IFT81: variants seen among roughly 807,000 people sequenced by gnomAD.
IFT81 encodes intraflagellar transport protein 81 homolog.
Under a neutral mutation model 102.6 loss-of-function variants are expected in IFT81, and 72 were observed. That is an observed-to-expected ratio of 0.70 (90% CI 0.58 to 0.85). IFT81 has a LOEUF of 0.85. Ranked by LOEUF, IFT81 falls within the 40% of genes least tolerant of loss-of-function variation. The pLI is 0.00. For synonymous variants in IFT81, 237 were observed against 242.7 expected (o/e 0.98, Z 0.22); for missense variants, 723 against 787.3 (o/e 0.92, Z 0.98).
At chr12:110,216,512 C>T in intron 18 of IFT81, 1 of 448,160 alleles carries the variant, frequency 2.2e-6, no homozygotes, top group South Asian at 1.6e-5. Flanking sequence ...TCCTATTATT[C>T]ACCTTAATTT....
At chr12:110,211,413 G>GA (rs1258921421) in intron 18 of IFT81, among the ~76,000 whole-genome samples, 1 of 151,876 alleles carries the variant, frequency 6.6e-6, no homozygotes. Flanking sequence ...TAGAGCTCTT[G>GA]ATCTCCTGAC....
intron 9 of IFT81, among the ~76,000 whole-genome samples, chr12:110,146,056 C>A (rs552817187): frequency 6.6e-6 from 1 of 151,984 alleles, no homozygotes; most frequent in Non-Finnish European, 1.5e-5. Flanking sequence ...AGATGATGCA[C>A]CCGCCTCAGC....
At chr12:110,171,064 A>G (rs1896702669) in intron 11 of IFT81, among the ~76,000 whole-genome samples, 1 of 152,176 alleles carries the variant, frequency 6.6e-6, no homozygotes, top group African/African-American at 2.4e-5. Flanking sequence ...CAAACCTGTG[A>G]TATTTTTAGA....
chr12:110,203,156 C>T (rs1898384201), intron 14 of IFT81, among the ~76,000 whole-genome samples: 1 of 152,132 alleles, frequency 6.6e-6, no homozygotes, highest in African/African-American at 2.4e-5. Context: ...ATCCCAGCTG[C>T]TTTGGAGTCT....
chr12:110,204,025 G>A, intron 15 of IFT81, 75 bp downstream of exon 15: 4 of 912,614 alleles, frequency 4.4e-6, no homozygotes, highest in Non-Finnish European at 7.0e-6. Flanking sequence ...AGCTACTCTG[G>A]AGGCTGAAGC....
chr12:110,151,906 A>G lies in IFT81; in HGVS notation c.1041+4858A>G, dbSNP rs576299864. Among the ~76,000 whole-genome samples, 7 of 152,054 alleles carry G rather than the reference A, an allele frequency of 4.6e-5. No homozygotes were observed. In the East Asian group the frequency reaches 9.7e-4, roughly 21 times the overall value. On this transcript the variant is annotated intron_variant, in intron 10 of 18. Transcript: ENST00000242591. Reference sequence around the variant, plus strand: ...CCACATGTGAGTGAGATCATGCACTATTTGTCTTTCTGTGCCTGGCTTATT... The same window carrying G: ...CCACATGTGAGTGAGATCATGCACTGTTTGTCTTTCTGTGCCTGGCTTATT...
intron 18 of IFT81, among the ~76,000 whole-genome samples, chr12:110,215,458 T>TC: frequency 1.1e-5 from 1 of 94,956 alleles, no homozygotes; most frequent in Middle Eastern, 4.1e-3. Context: ...TTCTTCTTTT[T>TC]TTTTTTTTTT....
intron 10 of IFT81, among the ~76,000 whole-genome samples, chr12:110,158,295 G>C (rs1895954604): frequency 6.6e-6 from 1 of 152,048 alleles, no homozygotes; most frequent in Non-Finnish European, 1.5e-5. Flanking sequence ...GGCCAGACTG[G>C]TCTTGGAACT....
At chr12:110,170,448 G>A (rs934042781) in intron 11 of IFT81, among the ~76,000 whole-genome samples, 6 of 152,182 alleles carry the variant, frequency 3.9e-5, no homozygotes, top group Non-Finnish European at 7.3e-5. Flanking sequence ...CTGGAAGGAC[G>A]AAGAATAGAA....
rs578132265 is a variant in IFT81, at chr12:110,212,960, A to C, written c.1848+3744A>C. ...TCGTGGCCAGCCTTGTTTTGTCTAT[A>C]ATCTCATCCAGTACCTGCCCCAAAT... On this transcript the variant is annotated intron_variant, in intron 18 of 18. Coordinates refer to ENST00000242591, the MANE Select transcript of IFT81 (RefSeq NM_014055.4). Among the ~76,000 whole-genome samples, 33 of 152,298 alleles carry C rather than the reference A, an allele frequency of 2.2e-4. 1 individual carries two copies. Among genetic ancestry groups the C allele is most frequent in the Admixed American group, 6.5e-5 (1 of 15,292 alleles).
At chr12:110,125,113 A>T (rs753184059) in intron 1 of IFT81, among the ~76,000 whole-genome samples, 8 of 152,292 alleles carry the variant, frequency 5.3e-5, no homozygotes, top group Admixed American at 1.3e-4. Flanking sequence ...GAGTAGACCT[A>T]TAGATAATTT....
At chr12:110,153,175 A>G (rs1473494277) in intron 10 of IFT81, among the ~76,000 whole-genome samples, 1 of 152,164 alleles carries the variant, frequency 6.6e-6, no homozygotes, top group Non-Finnish European at 1.5e-5. Flanking sequence ...ATGAGTTAGG[A>G]AGTTATGCTA....
chr12:110,187,334 G>A (rs1897580760), intron 12 of IFT81, among the ~76,000 whole-genome samples: 1 of 151,980 alleles, frequency 6.6e-6, no homozygotes. Flanking sequence ...TGTGATCTTG[G>A]CTCACTGCAG....
At chr12:110,198,876 C>T (rs1898134832) in intron 14 of IFT81, among the ~76,000 whole-genome samples, 1 of 149,394 alleles carries the variant, frequency 6.7e-6, no homozygotes, top group Non-Finnish European at 1.5e-5. Context: ...GTGTTGCAGT[C>T]TCAGCTCACT....
intron 11 of IFT81, among the ~76,000 whole-genome samples, chr12:110,165,007 T>G (rs1288425292): frequency 6.6e-6 from 1 of 151,834 alleles, no homozygotes; most frequent in African/African-American, 2.4e-5. Context: ...TATGCAAATG[T>G]GAGGGAAAAA....
chr12:110,143,271 A>T, intron 8 of IFT81, 111 bp from the exon 9 acceptor site: 1 of 558,314 alleles, frequency 1.8e-6, no homozygotes, highest in Non-Finnish European at 2.6e-6. Flanking sequence ...TATATTATAC[A>T]GTTTGTTTTC....
chr12:110,193,529 A>G (rs1897883390), intron 14 of IFT81, among the ~76,000 whole-genome samples: 1 of 152,236 alleles, frequency 6.6e-6, no homozygotes, highest in Non-Finnish European at 1.5e-5. Flanking sequence ...ATAAATTGTC[A>G]GAAGGTAAAT....
chr12:110,145,102 A>G (rs1895141814), intron 9 of IFT81, among the ~76,000 whole-genome samples: 1 of 145,972 alleles, frequency 6.9e-6, no homozygotes, highest in South Asian at 2.1e-4. Flanking sequence ...ACATGATCAC[A>G]GCTCACTGCA....
At chr12:110,176,346 G>A (rs1468219206) in intron 11 of IFT81, among the ~76,000 whole-genome samples, 1 of 152,088 alleles carries the variant, frequency 6.6e-6, no homozygotes, top group Admixed American at 6.6e-5. Context: ...TCTATTTACT[G>A]CCTACCTCTC....
Sources: gnomAD v4.1 joint callset for allele counts (sites outside exome capture counted in the v4.1 genomes callset) on GRCh38, gnomAD v4.1.1 for gene constraint, MANE v1.5 for transcripts, NCBI Gene and HGNC (gene_info 2026-07-23, HGNC 2026-07-21) for gene names.